Variants in QTMAN observed in about 807,000 individuals in gnomAD.
QTMAN encodes queuosine-tRNA mannosyltransferase, also known as tRNA-queuosine alpha-mannosyltransferase.
chr2:144,141,627 C>T, the QTMAN span, among the ~76,000 whole-genome samples: 1 of 149,578 alleles, frequency 6.7e-6, no homozygotes, highest in African/African-American at 2.4e-5. Flanking sequence ...AACAAAACAC[C>T]GGGCTGCTTT....
the QTMAN span, among the ~76,000 whole-genome samples, chr2:144,060,171 A>G: frequency 6.6e-6 from 1 of 152,162 alleles, no homozygotes; most frequent in South Asian, 2.1e-4. Context: ...TCTGAGTACA[A>G]TGAATATATG....
At chr2:144,317,488 A>G in the QTMAN span, 1 of 152,084 alleles carries the variant, frequency 6.6e-6, no homozygotes, top group African/African-American at 2.4e-5. Flanking sequence ...CCTTACATTA[A>G]TTTTTCTCCA....
At chr2:144,134,500 T>C in the QTMAN span, among the ~76,000 whole-genome samples, 2 of 152,272 alleles carry the variant, frequency 1.3e-5, no homozygotes, top group East Asian at 1.9e-4. Context: ...ATGCTCTTTA[T>C]ATAATCCCTA....
the QTMAN span, among the ~76,000 whole-genome samples, chr2:144,003,172 C>T: frequency 1.3e-5 from 2 of 151,758 alleles, no homozygotes; most frequent in Non-Finnish European, 2.9e-5. Flanking sequence ...TAGGTATAAT[C>T]CCAACAAACA....
the QTMAN span, among the ~76,000 whole-genome samples, chr2:144,116,800 G>A: frequency 6.6e-5 from 10 of 152,204 alleles, no homozygotes; most frequent in East Asian, 1.9e-4. Context: ...TATTGTTTCC[G>A]TTTTACAGAT....
chr2:143,939,671 C>T, the QTMAN span: 1 of 152,122 alleles, frequency 6.6e-6, no homozygotes, highest in African/African-American at 2.4e-5. Context: ...ATTAAGAATT[C>T]TGTAATAAAT....
the QTMAN span, chr2:144,177,112 A>G: frequency 1.0e-5 from 7 of 700,578 alleles, no homozygotes; most frequent in East Asian, 1.6e-4. Flanking sequence ...TCCATGATCC[A>G]ATCACCTCCC....
At chr2:144,087,008 A>G in the QTMAN span, among the ~76,000 whole-genome samples, 3 of 152,182 alleles carry the variant, frequency 2.0e-5, no homozygotes, top group Non-Finnish European at 4.4e-5. Flanking sequence ...CTATCATTTA[A>G]ATCATTAAGT....
the QTMAN span, among the ~76,000 whole-genome samples, chr2:144,037,047 TA>T: frequency 6.6e-6 from 1 of 152,190 alleles, no homozygotes; most frequent in East Asian, 1.9e-4. Flanking sequence ...TGATTCAATT[TA>T]TACGAATACA....
chr2:144,196,320 C>T, the QTMAN span, among the ~76,000 whole-genome samples: 1 of 151,246 alleles, frequency 6.6e-6, no homozygotes, highest in African/African-American at 2.4e-5. Flanking sequence ...TTTAAATTTA[C>T]GATAAAGGAA....
the QTMAN span, among the ~76,000 whole-genome samples, chr2:144,038,924 CT>C: frequency 6.6e-6 from 1 of 151,976 alleles, no homozygotes; most frequent in African/African-American, 2.4e-5. Context: ...AAAAAACATC[CT>C]TTTTGCTGGC....
the QTMAN span, among the ~76,000 whole-genome samples, chr2:144,075,382 A>G: frequency 6.6e-6 from 1 of 152,248 alleles, no homozygotes; most frequent in Admixed American, 6.5e-5. Context: ...TTCTACTTTA[A>G]TTAAGCATGG....
At chr2:144,194,353 T>C in the QTMAN span, among the ~76,000 whole-genome samples, 3 of 152,182 alleles carry the variant, frequency 2.0e-5, no homozygotes, top group Admixed American at 6.6e-5. Flanking sequence ...AGTGGCTGAA[T>C]TGGGCTTGCA....
At chr2:144,085,274 G>C in the QTMAN span, among the ~76,000 whole-genome samples, 2 of 152,176 alleles carry the variant, frequency 1.3e-5, no homozygotes, top group Admixed American at 1.3e-4. Context: ...ATAGTTTTCC[G>C]AACTCTGTCC....
the QTMAN span, among the ~76,000 whole-genome samples, chr2:143,982,025 C>T: frequency 4.6e-5 from 7 of 152,028 alleles, no homozygotes; most frequent in Admixed American, 2.6e-4. Context: ...AAGAACTAAT[C>T]ACATTAGGTT....
the QTMAN span, among the ~76,000 whole-genome samples, chr2:144,117,548 T>A: frequency 6.6e-6 from 1 of 152,184 alleles, no homozygotes; most frequent in South Asian, 2.1e-4. Flanking sequence ...CAATAATAAA[T>A]AATTACATCA....
the QTMAN span, among the ~76,000 whole-genome samples, chr2:144,191,174 T>C: frequency 1.3e-5 from 2 of 152,180 alleles, no homozygotes; most frequent in African/African-American, 4.8e-5. Flanking sequence ...TCACTTTAAA[T>C]TCTACCTAAT....
At chr2:144,117,845 T>C in the QTMAN span, among the ~76,000 whole-genome samples, 2 of 152,094 alleles carry the variant, frequency 1.3e-5, no homozygotes, top group African/African-American at 2.4e-5. Flanking sequence ...TTTATTCATT[T>C]ATTTATTTAT....
the QTMAN span, among the ~76,000 whole-genome samples, chr2:144,240,191 A>G: frequency 6.6e-6 from 1 of 152,236 alleles, no homozygotes; most frequent in African/African-American, 2.4e-5. Flanking sequence ...AAGACTCAGC[A>G]GGACAGAGAA....
Sources: allele counts gnomAD v4.1 joint callset (sites outside exome capture counted in the v4.1 genomes callset), GRCh38; gene constraint gnomAD v4.1.1; transcripts MANE v1.5; gene names NCBI Gene and HGNC (gene_info 2026-07-23, HGNC 2026-07-21).